ETV5: variants seen among roughly 807,000 people sequenced by gnomAD.
The protein encoded by ETV5 is ETS translocation variant 5.
A neutral mutation model predicts 70.0 loss-of-function variants in ETV5; 10 were observed. The observed-to-expected ratio is 0.14, with a 90% CI of 0.09 to 0.24. ETV5 has a LOEUF of 0.24. ETV5 is among the 10% of genes least tolerant of loss of function. The pLI is 1.00. For missense variants in ETV5, 453 were observed against 651.2 expected (o/e 0.70, Z 3.31); for synonymous variants, 216 against 242.2 (o/e 0.89, Z 1.01).
Position 186,048,826 on chromosome 3 carries a change from C to T in ETV5, c.1346G>A (p.Cys449Tyr). The change falls in exon 13 of 13, where the codon TGT becomes TAT. Residue 449 changes from cysteine to tyrosine, a missense_variant. By Grantham distance (194) the Cys-to-Tyr change is radical. This residue lies in a region of ETV5 where 74 missense variants were observed against 95.2 expected (regional missense o/e 0.78). Transcript: ENST00000306376. ...AGERYVYKFVCDPDALFSMAF... is the reference protein window; with the variant it reads ...AGERYVYKFVYDPDALFSMAF... ...CATGGAGAAGAGGGCATCTGGGTCA[C>T]AGACAAATTTGTAGACGTATCGCTC... 6 of 1,614,074 alleles carry T rather than the reference C, an allele frequency of 3.7e-6. No homozygotes were observed. Among genetic ancestry groups the T allele is most frequent in the Non-Finnish European group, 5.1e-6 (6 of 1,180,016 alleles).
chr3:186,100,321 T>A (rs1714423088), intron 5 of ETV5, among the ~76,000 whole-genome samples: 1 of 152,224 alleles, frequency 6.6e-6, no homozygotes, highest in South Asian at 2.1e-4. Flanking sequence ...GCCCACTGTT[T>A]TCTTTCTTAC....
intron 7 of ETV5, among the ~76,000 whole-genome samples, chr3:186,078,694 C>G (rs1169176046): frequency 1.3e-5 from 2 of 152,054 alleles, no homozygotes; most frequent in Admixed American, 1.3e-4. Context: ...CCAGAGCCAG[C>G]CCCCCACAAC....
intron 5 of ETV5, among the ~76,000 whole-genome samples, chr3:186,089,694 G>T (rs562665510): frequency 2.0e-5 from 3 of 152,142 alleles, no homozygotes; most frequent in Non-Finnish European, 4.4e-5. Flanking sequence ...AAAAGTCAGC[G>T]ACTGGCCAAG....
In ETV5 at chr3:186,066,087, A is replaced by T; in HGVS notation, c.651-15T>A. 1 of 1,552,592 alleles carries T rather than the reference A, an allele frequency of 6.4e-7. No individual in the cohort carries two copies. The stretch of plus-strand genomic sequence containing the variant: ...GTCTCTGAAATCTGTAAGAAGAAAG[A>T]GGTTTTCATGTTGAACAAAGACTTG... On this transcript the variant is annotated splice_polypyrimidine_tract_variant and intron_variant, in intron 7 of 12. Coordinates refer to ENST00000306376, the MANE Select transcript of ETV5 (RefSeq NM_004454.3).
chr3:186,051,050 T>C (rs1713016552), intron 12 of ETV5, among the ~76,000 whole-genome samples: 1 of 152,132 alleles, frequency 6.6e-6, no homozygotes, highest in South Asian at 2.1e-4. Flanking sequence ...CAAGTTTGAG[T>C]GAAGAAACGA....
In ETV5 at chr3:186,052,486, T is replaced by C. The variant is rs937527665; in HGVS notation, c.1210-355A>G. Among the ~76,000 whole-genome samples the C allele has an allele frequency of 1.3e-5, 2 of 152,228 alleles. No homozygotes were observed. The highest frequency in any genetic ancestry group is 2.9e-5 in the Non-Finnish European group (2 of 68,046). On this transcript the variant is annotated intron_variant, in intron 11 of 12. Coordinates refer to ENST00000306376, the MANE Select transcript of ETV5 (RefSeq NM_004454.3). This position sits in a 1 kb window ranked among gnomAD's most constrained non-coding sequence, Gnocchi z 4.5. ...TGTTGCCATTAAGTGCTATGGTTTC[T>C]GTAGCAGTCAATAAGGAATAATTAG...
At chr3:186,095,451 T>C (rs1714281809) in intron 5 of ETV5, 1 of 152,380 alleles carries the variant, frequency 6.6e-6, no homozygotes, top group African/African-American at 2.4e-5. Context: ...ATTTAAGCAC[T>C]GTGGAAAATC....
At chr3:186,064,271 C>T in intron 9 of ETV5, 146 bp downstream of exon 9, 1 of 705,944 alleles carries the variant, frequency 1.4e-6, no homozygotes, top group Non-Finnish European at 2.4e-6. Flanking sequence ...CAAATCTTAG[C>T]CTGGAAACTG....
At chr3:186,106,626 T>C (rs1283154575) in intron 1 of ETV5, among the ~76,000 whole-genome samples, 3 of 152,218 alleles carry the variant, frequency 2.0e-5, no homozygotes, top group Non-Finnish European at 4.4e-5. Context: ...CTATGAAAAG[T>C]AATGGATTAA....
At chr3:186,071,157 G>A (rs1713622777) in intron 7 of ETV5, among the ~76,000 whole-genome samples, 1 of 151,846 alleles carries the variant, frequency 6.6e-6, no homozygotes, top group African/African-American at 2.4e-5. Flanking sequence ...TTCCTTTCTG[G>A]TTTCTGCTGC....
rs918273238 is a variant in ETV5 at position 186,081,295 on chromosome 3, C to T, written c.233-120G>A. ...ATTGTTCTTGGAACTCATGTCAAGTCACATGTCAGAAAAAGCAAAACGCTT... is the reference window on the plus strand; with the variant it reads ...ATTGTTCTTGGAACTCATGTCAAGTTACATGTCAGAAAAAGCAAAACGCTT... On this transcript the variant is annotated intron_variant, in intron 5 of 12. Transcript: ENST00000306376. 4 of 1,044,800 alleles carry T rather than the reference C, an allele frequency of 3.8e-6. No individual in the cohort carries two copies. In the Admixed American group the frequency reaches 9.9e-5, roughly 26 times the overall value. 64.7% of individuals were successfully genotyped at this position (1,044,800 alleles called of 1,614,324 possible). A position where few individuals can be genotyped will look rare whatever the true frequency, so the allele number is the denominator to read the frequency against.
At chr3:186,071,039 T>A (rs188491781) in intron 7 of ETV5, among the ~76,000 whole-genome samples, 3 of 152,312 alleles carry the variant, frequency 2.0e-5, no homozygotes, top group Admixed American at 2.0e-4. Context: ...AAAGAACTAG[T>A]TATTTATTTA....
chr3:186,108,604 T>A (rs1714655271), intron 1 of ETV5: 1 of 1,220,980 alleles, frequency 8.2e-7, no homozygotes, highest in South Asian at 1.4e-5. Flanking sequence ...GGCTCTCGAA[T>A]CTCCAGAGAC....
chr3:186,099,727 C>G (rs548979609), intron 5 of ETV5, among the ~76,000 whole-genome samples: 1 of 152,160 alleles, frequency 6.6e-6, no homozygotes, highest in South Asian at 2.1e-4. Flanking sequence ...GCTACCCATG[C>G]CTTACTCCTG....
At chr3:186,059,685 C>T (rs1164616269) in intron 9 of ETV5, among the ~76,000 whole-genome samples, 1 of 152,172 alleles carries the variant, frequency 6.6e-6, no homozygotes, top group Non-Finnish European at 1.5e-5. Flanking sequence ...CATTGTACAA[C>T]ATTGTGGTAA....
chr3:186,105,983 A>C lies in ETV5; in HGVS notation c.-74-41T>G. ...GGGAGATTTTAACTAAGAGGGGGGA[A>C]AAAAAGAAATGAAACAATTTTAGAC... On this transcript the variant is annotated intron_variant, in intron 1 of 12. Transcript: ENST00000306376. This position sits in a 1 kb window ranked among gnomAD's most constrained non-coding sequence, Gnocchi z 4.5. 6.4e-6 allele frequency: 9 copies of C among 1,409,538 alleles called. No individual in the cohort carries two copies. Among genetic ancestry groups the C allele is most frequent in the Non-Finnish European group, 8.8e-6 (9 of 1,022,706 alleles). 87.3% of individuals were successfully genotyped at this position (1,409,538 alleles called of 1,614,324 possible).
At chr3:186,095,343 C>T (rs1021233206) in intron 5 of ETV5, 5 of 152,196 alleles carry the variant, frequency 3.3e-5, no homozygotes, top group African/African-American at 7.2e-5. Context: ...CAAAACTAAA[C>T]CTTAAGCTTT....
chr3:186,057,915 C>T lies in ETV5; in HGVS notation c.971-424G>A, dbSNP rs549960758. 2.0e-5 allele frequency among the ~76,000 whole-genome samples: 3 copies of T among 152,296 alleles called. No individual in the cohort carries two copies. In the East Asian group the frequency reaches 5.8e-4, roughly 29 times the overall value. On this transcript the variant is annotated intron_variant, in intron 9 of 12. Transcript: ENST00000306376. The surrounding 1 kb of genome is among the most constrained non-coding windows in gnomAD (Gnocchi z 4.9). The stretch of plus-strand genomic sequence containing the variant: ...CCTTTTAGCTAAAATTAATTTCAAC[C>T]TTTCCTACTAACTCATCCAAGCTAC...
At position 186,105,841 on chromosome 3, in the gene ETV5, G is replaced by A; in HGVS notation, c.28C>T (p.Pro10Ser). 1 of 1,613,992 alleles carries A rather than the reference G, an allele frequency of 6.2e-7. No individual in the cohort carries two copies. The highest frequency in any genetic ancestry group is 8.5e-7 in the Non-Finnish European group (1 of 1,179,946). Residue 10 changes from proline to serine, a missense_variant, in exon 2 of 13, where the codon CCT becomes TCT. Pro to Ser is a moderately conservative substitution (Grantham distance 74). This residue lies in a region of ETV5 where 47 missense variants were observed against 96.8 expected (regional missense o/e 0.49). Coordinates refer to ENST00000306376, the MANE Select transcript of ETV5 (RefSeq NM_004454.3). The surrounding 1 kb of genome is among the most constrained non-coding windows in gnomAD (Gnocchi z 4.5). Reference protein sequence around the residue: MDGFYDQQVPFMVPGKSRSE... With the variant: MDGFYDQQVSFMVPGKSRSE... Reference sequence around the variant, plus strand: ...AAACTTACCCCTGGGACCATAAAAGGGACTTGCTGATCATAAAACCCGTCC... The same window carrying A: ...AAACTTACCCCTGGGACCATAAAAGAGACTTGCTGATCATAAAACCCGTCC...
Sources: gnomAD v4.1 joint callset for allele counts (sites outside exome capture counted in the v4.1 genomes callset) on GRCh38, gnomAD v4.1.1 for gene constraint, gnomAD v4.1.1 regional missense constraint, Gnocchi (gnomAD v3.1) non-coding constraint, MANE v1.5 for transcripts, NCBI Gene and HGNC (gene_info 2026-07-23, HGNC 2026-07-21) for gene names.